The following UNC5C variants were observed in gnomAD, a reference collection of about 807,000 sequenced individuals.
UNC5C encodes the protein netrin receptor UNC5C.
A neutral mutation model predicts 99.8 loss-of-function variants in UNC5C; 47 were observed. That is an observed-to-expected ratio of 0.47 (90% CI 0.37 to 0.60). The LOEUF (loss-of-function observed/expected upper bound fraction) is 0.60. UNC5C is among the 20% of genes least tolerant of loss of function. The pLI is 0.00. For missense variants in UNC5C, 1,062 were observed against 1,165.9 expected (o/e 0.91, Z 1.30); for synonymous variants, 487 against 452.2 (o/e 1.08, Z -0.98).
intron 4 of UNC5C, among the ~76,000 whole-genome samples, chr4:95,261,818 C>T (rs1443699823): frequency 6.6e-6 from 1 of 152,074 alleles, no homozygotes; most frequent in Non-Finnish European, 1.5e-5. Flanking sequence ...ATTCTCCTAC[C>T]TCAGCCTCCT....
chr4:95,294,743 ATTGATG>A (rs1741611281), intron 3 of UNC5C, among the ~76,000 whole-genome samples: 1 of 152,228 alleles, frequency 6.6e-6, no homozygotes, highest in African/African-American at 2.4e-5. Flanking sequence ...TTTGCTCAGT[ATTGATG>A]TTTCAAAATA....
intron 1 of UNC5C, among the ~76,000 whole-genome samples, chr4:95,504,495 T>C (rs1370435725): frequency 6.6e-6 from 1 of 152,134 alleles, no homozygotes; most frequent in African/African-American, 2.4e-5. Flanking sequence ...AACTTCTCAA[T>C]AGCACTCTTG....
intron 1 of UNC5C, among the ~76,000 whole-genome samples, chr4:95,439,816 A>G (rs1352330311): frequency 6.6e-6 from 1 of 152,142 alleles, no homozygotes; most frequent in Admixed American, 6.6e-5. Flanking sequence ...CAGGGCGTGT[A>G]TTGACCCCAC....
Position 95,212,634 on chromosome 4 carries a change from T to G in UNC5C, c.1733+3490A>C, listed in dbSNP as rs560659641. Among the ~76,000 whole-genome samples, 42 of 152,286 alleles carry G rather than the reference T, an allele frequency of 2.8e-4. No individual in the cohort carries two copies. The South Asian group carries it at 8.7e-3, about 32-fold the overall frequency. Reference sequence around the variant, plus strand: ...CTGCATTTTCTCGGCTGGAGGTTCCTTCCTTGCCGTGACTTCACTTCCACG... The same window carrying G: ...CTGCATTTTCTCGGCTGGAGGTTCCGTCCTTGCCGTGACTTCACTTCCACG... On this transcript the variant is annotated intron_variant, in intron 10 of 15. Transcript: ENST00000453304.
intron 1 of UNC5C, among the ~76,000 whole-genome samples, chr4:95,354,409 C>A (rs1399710867): frequency 6.7e-6 from 1 of 150,026 alleles, no homozygotes; most frequent in African/African-American, 2.5e-5. Flanking sequence ...GCACACAACA[C>A]GCAGTTTCTA....
At chr4:95,514,908 G>T (rs1287428000) in intron 1 of UNC5C, among the ~76,000 whole-genome samples, 2 of 151,834 alleles carry the variant, frequency 1.3e-5, no homozygotes, top group African/African-American at 4.8e-5. Context: ...TCCTGACCTT[G>T]TGATCCACCT....
At chr4:95,205,386 G>GTATT (rs942988809) in intron 11 of UNC5C, among the ~76,000 whole-genome samples, 1 of 152,076 alleles carries the variant, frequency 6.6e-6, no homozygotes, top group Non-Finnish European at 1.5e-5. Context: ...AACATAAAGT[G>GTATT]TATTTATTTA....
At chr4:95,506,122 C>T (rs913853045) in intron 1 of UNC5C, among the ~76,000 whole-genome samples, 1 of 151,932 alleles carries the variant, frequency 6.6e-6, no homozygotes, top group East Asian at 1.9e-4. Context: ...TCATCTTAAT[C>T]TTAACAGGTG....
chr4:95,188,595 T>C (rs1736930236), intron 12 of UNC5C, among the ~76,000 whole-genome samples: 1 of 152,262 alleles, frequency 6.6e-6, no homozygotes, highest in Non-Finnish European at 1.5e-5. Flanking sequence ...CTTAAAAATA[T>C]GCTGCAACTT....
intron 1 of UNC5C, among the ~76,000 whole-genome samples, chr4:95,431,540 A>C (rs1402321641): frequency 6.6e-6 from 1 of 151,560 alleles, no homozygotes; most frequent in Non-Finnish European, 1.5e-5. Flanking sequence ...AGGGGTAAAG[A>C]CTAAAAAAAA....
chr4:95,251,237 C>G (rs535959216), intron 4 of UNC5C, among the ~76,000 whole-genome samples: 42 of 152,256 alleles, frequency 2.8e-4, no homozygotes, highest in Admixed American at 6.5e-4. Flanking sequence ...CCTGAAAATA[C>G]CTTTCAAAAT....
At chr4:95,190,621 CT>C (rs1693065801) in intron 12 of UNC5C, among the ~76,000 whole-genome samples, 1 of 152,170 alleles carries the variant, frequency 6.6e-6, no homozygotes, top group African/African-American at 2.4e-5. Context: ...CCCAGCCCCC[CT>C]TGTACAGTTC....
At chr4:95,384,283 C>T (rs997368800) in intron 1 of UNC5C, among the ~76,000 whole-genome samples, 2 of 152,096 alleles carry the variant, frequency 1.3e-5, no homozygotes, top group African/African-American at 4.8e-5. Context: ...AGCCTCTATC[C>T]TTAAAAAGCA....
chr4:95,302,836 C>T (rs1208277261), intron 2 of UNC5C, among the ~76,000 whole-genome samples: 1 of 152,126 alleles, frequency 6.6e-6, no homozygotes, highest in Non-Finnish European at 1.5e-5. Flanking sequence ...GTAAGATAGT[C>T]CTTCCCCTCA....
At chr4:95,210,816 G>T (rs1738050153) in intron 10 of UNC5C, among the ~76,000 whole-genome samples, 1 of 152,120 alleles carries the variant, frequency 6.6e-6, no homozygotes, top group Non-Finnish European at 1.5e-5. Flanking sequence ...TCCTTTGCTT[G>T]TCATTATCAG....
chr4:95,187,675 C>T (rs1219008632), intron 12 of UNC5C, among the ~76,000 whole-genome samples: 31 of 152,184 alleles, frequency 2.0e-4, no homozygotes, highest in Admixed American at 1.8e-3. Context: ...GTGAAGAATT[C>T]TCCCTAGTGG....
intron 1 of UNC5C, among the ~76,000 whole-genome samples, chr4:95,401,383 C>T (rs1286011620): frequency 1.3e-5 from 2 of 152,066 alleles, no homozygotes; most frequent in Non-Finnish European, 2.9e-5. Context: ...ACTGCAGCAG[C>T]CTTGAACTCG....
At chr4:95,420,648 A>G (rs910529104) in intron 1 of UNC5C, among the ~76,000 whole-genome samples, 3 of 152,158 alleles carry the variant, frequency 2.0e-5, no homozygotes, top group Non-Finnish European at 4.4e-5. Flanking sequence ...AGAGTAAACA[A>G]TTTCAACGAA....
At chr4:95,502,276 C>CT (rs1560486354) in intron 1 of UNC5C, among the ~76,000 whole-genome samples, 1 of 152,038 alleles carries the variant, frequency 6.6e-6, no homozygotes. Flanking sequence ...ATCATATAAA[C>CT]TTTTTTTTAA....
Sources: gnomAD v4.1 joint callset for allele counts (sites outside exome capture counted in the v4.1 genomes callset) on GRCh38, gnomAD v4.1.1 for gene constraint, MANE v1.5 for transcripts, NCBI Gene and HGNC (gene_info 2026-07-23, HGNC 2026-07-21) for gene names.